The following COL8A1 variants were observed in gnomAD, a reference collection of about 807,000 sequenced individuals.
COL8A1 encodes the protein collagen alpha-1(VIII) chain.
Under a neutral mutation model 42.7 loss-of-function variants are expected in COL8A1, and 21 were observed. That is an observed-to-expected ratio of 0.49 (90% CI 0.35 to 0.71). The LOEUF (loss-of-function observed/expected upper bound fraction) is 0.71. COL8A1 is among the 30% of genes least tolerant of loss of function. The pLI is 0.01. For synonymous variants in COL8A1, 367 were observed against 369.1 expected (o/e 0.99, Z 0.06); for missense variants, 788 against 962.4 (o/e 0.82, Z 2.40).
chr3:99,710,912 G>GA (rs1483439959), intron 1 of COL8A1, among the ~76,000 whole-genome samples: 6 of 152,182 alleles, frequency 3.9e-5, no homozygotes, highest in African/African-American at 1.2e-4. Context: ...ATGTGAGGTA[G>GA]AAAAAATATA....
intron 1 of COL8A1, among the ~76,000 whole-genome samples, chr3:99,698,060 T>G (rs1939431843): frequency 6.6e-6 from 1 of 152,072 alleles, no homozygotes; most frequent in Non-Finnish European, 1.5e-5. Context: ...AGTGAGAACA[T>G]GTGGTGTTTG....
At chr3:99,653,455 C>A (rs1214558997) in intron 1 of COL8A1, among the ~76,000 whole-genome samples, 1 of 151,856 alleles carries the variant, frequency 6.6e-6, no homozygotes. Context: ...GGCAACAGTT[C>A]AATCTCCCCA....
At chr3:99,697,109 C>CT (rs1939398015) in intron 1 of COL8A1, among the ~76,000 whole-genome samples, 1 of 149,564 alleles carries the variant, frequency 6.7e-6, no homozygotes, top group Non-Finnish European at 1.5e-5. Context: ...GCCTCAGCCT[C>CT]CCGAGTAGCT....
chr3:99,751,399 A>T (rs1941145400), intron 2 of COL8A1, among the ~76,000 whole-genome samples: 2 of 152,254 alleles, frequency 1.3e-5, no homozygotes, highest in South Asian at 4.1e-4. Flanking sequence ...CTCTACTACA[A>T]ATACAAAAAT....
chr3:99,645,426 A>G (rs16841568), intron 1 of COL8A1, among the ~76,000 whole-genome samples: 18,875 of 152,166 alleles, frequency 0.12, 1,234 homozygotes, highest in Admixed American at 0.14. Context: ...TGGCAAAAAT[A>G]TGCTATTGGA....
At chr3:99,736,456 T>TG (rs1379247769) in intron 1 of COL8A1, among the ~76,000 whole-genome samples, 1 of 152,182 alleles carries the variant, frequency 6.6e-6, no homozygotes, top group African/African-American at 2.4e-5. Context: ...TATGTATACA[T>TG]GCGCCATATT....
rs16841650 is a variant in COL8A1 at position 99,717,385 on chromosome 3, G to A, written c.-128-27512G>A. ...CTTAAAATCTTTGATCTGATGTTTG[G>A]AGTGTTCATGGCCCTTCAAAGACAC... On this transcript the variant is annotated intron_variant, in intron 1 of 3. Transcript: ENST00000652472. 6.8e-3 allele frequency among the ~76,000 whole-genome samples: 1,027 copies of A among 152,022 alleles called. 13 individuals are homozygous for A. The highest frequency in any genetic ancestry group is 0.024 in the African/African-American group (981 of 41,520).
Position 99,762,995 on chromosome 3 carries a change from TAGGTGGC to T in COL8A1, c.-4+17977_-4+17983del, listed in dbSNP as rs370302261. Among the ~76,000 whole-genome samples the T allele has an allele frequency of 3.3e-3, 497 of 152,298 alleles. 4 individuals carry two copies. The highest frequency in any genetic ancestry group is 0.011 in the African/African-American group (471 of 41,562). The stretch of plus-strand genomic sequence containing the variant: ...CTGCACGCTTTTCATTCATACCTTC[TAGGTGGC>T]AGAGAAAGGTATTTCAAAAGAGATT... On this transcript the variant is annotated intron_variant, in intron 2 of 3. Transcript: ENST00000652472.
chr3:99,785,285 A>T (rs1428385130), intron 2 of COL8A1, among the ~76,000 whole-genome samples: 2 of 152,176 alleles, frequency 1.3e-5, no homozygotes, highest in African/African-American at 2.4e-5. Context: ...TGAATTAGGT[A>T]TTTTTGAAAG....
intron 1 of COL8A1, among the ~76,000 whole-genome samples, chr3:99,734,462 A>G (rs1356115328): frequency 1.3e-5 from 2 of 150,494 alleles, no homozygotes; most frequent in African/African-American, 2.5e-5. Context: ...ATAGTTGTAG[A>G]TATGTGGTAT....
intron 3 of COL8A1, among the ~76,000 whole-genome samples, chr3:99,791,823 A>G (rs1023671092): frequency 8.5e-5 from 13 of 152,240 alleles, no homozygotes; most frequent in African/African-American, 3.1e-4. Context: ...AGATGCCTGG[A>G]TGCCAGAAAT....
chr3:99,755,550 C>A (rs1452775833), intron 2 of COL8A1, among the ~76,000 whole-genome samples: 2 of 152,028 alleles, frequency 1.3e-5, no homozygotes, highest in Non-Finnish European at 2.9e-5. Flanking sequence ...ATATTTAATA[C>A]CATGTTGATC....
chr3:99,682,186 G>A (rs988173715), intron 1 of COL8A1, among the ~76,000 whole-genome samples: 16 of 152,156 alleles, frequency 1.1e-4, no homozygotes, highest in Non-Finnish European at 2.4e-4. Flanking sequence ...AGGCCAAGGC[G>A]GGAGGATGAC....
intron 1 of COL8A1, among the ~76,000 whole-genome samples, chr3:99,737,844 C>A (rs929537160): frequency 3.3e-5 from 5 of 151,832 alleles, no homozygotes; most frequent in Admixed American, 3.3e-4. Flanking sequence ...TCCATTCTCC[C>A]CATCACTTTC....
chr3:99,785,116 C>G (rs945762079), intron 2 of COL8A1, among the ~76,000 whole-genome samples: 22 of 152,134 alleles, frequency 1.4e-4, no homozygotes, highest in African/African-American at 5.1e-4. Context: ...AAAGGTAAGT[C>G]TCTCTAAAAG....
intron 1 of COL8A1, among the ~76,000 whole-genome samples, chr3:99,742,618 A>C (rs1270577457): frequency 1.3e-5 from 2 of 152,252 alleles, no homozygotes; most frequent in South Asian, 2.1e-4. Flanking sequence ...TTTTAAAAAT[A>C]TGTGGTAAGC....
At chr3:99,640,470 C>A (rs951963731) in intron 1 of COL8A1, among the ~76,000 whole-genome samples, 6 of 152,190 alleles carry the variant, frequency 3.9e-5, no homozygotes, top group African/African-American at 1.4e-4. Flanking sequence ...GGGAAGTTAT[C>A]TTTTCTTGGG....
rs1016981616 is a variant in COL8A1 at position 99,796,909 on chromosome 3, A to C, written c.*773A>C. 6.6e-6 allele frequency: 1 copy of C among 152,154 alleles called. No homozygotes were observed. The highest frequency in any genetic ancestry group is 1.5e-5 in the Non-Finnish European group (1 of 68,020). 9.4% of individuals were successfully genotyped at this position (152,154 alleles called of 1,614,324 possible). Reference sequence around the variant, plus strand: ...GAACCGGATGGGAGACATGAGCAGTAATTAACTCACTTGTTCCCCAGAGTT... The same window carrying C: ...GAACCGGATGGGAGACATGAGCAGTCATTAACTCACTTGTTCCCCAGAGTT... On this transcript the variant is annotated 3_prime_UTR_variant, in exon 4 of 4. Transcript: ENST00000652472.
intron 2 of COL8A1, among the ~76,000 whole-genome samples, chr3:99,774,439 A>C (rs1364816332): frequency 6.6e-6 from 1 of 152,074 alleles, no homozygotes; most frequent in Non-Finnish European, 1.5e-5. Flanking sequence ...TTCCATTTGC[A>C]TTCTTTTGCA....
Sources: allele counts gnomAD v4.1 joint callset (sites outside exome capture counted in the v4.1 genomes callset), GRCh38; gene constraint gnomAD v4.1.1; transcripts MANE v1.5; gene names NCBI Gene and HGNC (gene_info 2026-07-23, HGNC 2026-07-21).